The following OTUD4 variants were observed in gnomAD, a reference collection of about 807,000 sequenced individuals.
OTUD4 encodes the protein OTU deubiquitinase 4, also known as OTU domain-containing protein 4.
OTUD4 carries 24 observed loss-of-function variants against 130.4 expected under a neutral mutation model. The observed-to-expected ratio is 0.18, with a 90% CI of 0.13 to 0.26. The LOEUF (loss-of-function observed/expected upper bound fraction) is 0.26. Among genes scored for constraint, OTUD4 ranks in the 10% least tolerant of loss-of-function variants. The pLI is 1.00. For synonymous variants in OTUD4, 420 were observed against 472.5 expected (o/e 0.89, Z 1.44); for missense variants, 1,031 against 1,329.4 (o/e 0.78, Z 3.49).
At chr4:145,167,839 TAA>T (rs1185492138) in intron 3 of OTUD4, among the ~76,000 whole-genome samples, 1 of 151,910 alleles carries the variant, frequency 6.6e-6, no homozygotes, top group African/African-American at 2.4e-5. Flanking sequence ...GCCTGCGTAT[TAA>T]GAGTGAAACT....
intron 13 of OTUD4, among the ~76,000 whole-genome samples, chr4:145,146,678 A>T (rs1026132195): frequency 6.6e-6 from 1 of 152,198 alleles, no homozygotes; most frequent in Non-Finnish European, 1.5e-5. Flanking sequence ...GAGAGTCAAG[A>T]AGACAAACAG....
At chr4:145,143,101 A>G (rs1750643294) in intron 17 of OTUD4, among the ~76,000 whole-genome samples, 1 of 152,252 alleles carries the variant, frequency 6.6e-6, no homozygotes, top group South Asian at 2.1e-4. Context: ...ACGATAACAA[A>G]TATAAATATA....
intron 19 of OTUD4, 71 bp from the exon 20 acceptor site, chr4:145,140,062 T>C (rs1332415443): frequency 3.9e-6 from 2 of 514,286 alleles, no homozygotes; most frequent in Non-Finnish European, 7.0e-6. Context: ...CCTCATTAAA[T>C]ATATAGTTCT....
In OTUD4 at chr4:145,179,945, C is replaced by G. The variant is rs1752613163; in HGVS notation, c.29G>C (p.Gly10Ala). The G allele has an allele frequency of 2.0e-6, 3 of 1,521,696 alleles. No homozygotes were observed. Among genetic ancestry groups the G allele is most frequent in the Non-Finnish European group, 2.6e-6 (3 of 1,141,920 alleles). 94.3% of individuals were successfully genotyped at this position (1,521,696 alleles called of 1,614,324 possible). MEAAVGVPD[G>A]GDQGGAGPRE... The stretch of plus-strand genomic sequence containing the variant: ...GGGCCCCGCGCCGCCCTGGTCCCCG[C>G]CGTCGGGGACGCCGACGGCAGCCTC... The change falls in exon 1 of 21, where the codon GGC becomes GCC. Residue 10 changes from glycine (G) to alanine (A), a missense_variant. This residue lies in a region of OTUD4 where 54 missense variants were observed against 60.6 expected (regional missense o/e 0.89). Coordinates refer to ENST00000447906, the MANE Select transcript of OTUD4 (RefSeq NM_001366057.1).
intron 1 of OTUD4, among the ~76,000 whole-genome samples, chr4:145,178,752 A>C (rs1342168944): frequency 6.6e-6 from 1 of 152,248 alleles, no homozygotes; most frequent in African/African-American, 2.4e-5. Flanking sequence ...AAATGAGAAC[A>C]GACTGGCCTC....
At chr4:145,174,206 G>A (rs1231169563) in intron 2 of OTUD4, among the ~76,000 whole-genome samples, 1 of 152,136 alleles carries the variant, frequency 6.6e-6, no homozygotes, top group Non-Finnish European at 1.5e-5. Context: ...TGTTGGCCAA[G>A]CTGGTCTTGA....
chr4:145,177,899 C>T (rs1390086587), intron 1 of OTUD4, among the ~76,000 whole-genome samples: 1 of 152,156 alleles, frequency 6.6e-6, no homozygotes, highest in Non-Finnish European at 1.5e-5. Flanking sequence ...TATTGGTACA[C>T]ATTTTAAAAG....
rs1188906451 is a variant in OTUD4, at chr4:145,146,409, A to C, written c.1280T>G (p.Val427Gly). The change falls in exon 14 of 21, where the codon GTT (valine) becomes GGT (glycine). Residue 427 changes from valine (V) to glycine (G), a missense_variant. Coordinates refer to ENST00000447906, the MANE Select transcript of OTUD4 (RefSeq NM_001366057.1). ...TCGACTTGTGTGATCAAAATCCTCA[A>C]CTCTTTCACGATCAGGTTTTCTGTC... ...QIIRKPDRER[V>G]EDFDHTSRES... 8 of 1,559,604 alleles carry C rather than the reference A, an allele frequency of 5.1e-6. No individual in the cohort carries two copies. The highest frequency in any genetic ancestry group is 6.9e-6 in the Non-Finnish European group (8 of 1,157,948).
At chr4:145,153,245 G>A (rs1751147301) in intron 10 of OTUD4, among the ~76,000 whole-genome samples, 1 of 152,126 alleles carries the variant, frequency 6.6e-6, no homozygotes, top group Non-Finnish European at 1.5e-5. Context: ...AGCACAATAT[G>A]TTAAGGCTCT....
chr4:145,159,713 T>C, intron 6 of OTUD4, 78 bp from the exon 7 acceptor site: 1 of 1,312,414 alleles, frequency 7.6e-7, no homozygotes, highest in African/African-American at 1.5e-5. Flanking sequence ...CATCACATTG[T>C]AACTTTCTAT....
intron 2 of OTUD4, among the ~76,000 whole-genome samples, chr4:145,172,504 CACA>C (rs369234067): frequency 5.3e-5 from 8 of 152,294 alleles, no homozygotes; most frequent in African/African-American, 1.7e-4. Flanking sequence ...TGTGTAATAA[CACA>C]ACCTTTTTTA....
Position 145,144,365 on chromosome 4 carries a change from C to A in OTUD4, c.1492G>T (p.Gly498Cys). 2 of 1,612,146 alleles carry A rather than the reference C, an allele frequency of 1.2e-6. No individual in the cohort carries two copies. The highest frequency in any genetic ancestry group is 2.2e-5 in the South Asian group (2 of 90,954). Reference sequence around the variant, plus strand: ...CTCCGCCTGCTTCCTTTTCTATCACCTACATGTGATGATTTTCTCTGGACA... The same window carrying A: ...CTCCGCCTGCTTCCTTTTCTATCACATACATGTGATGATTTTCTCTGGACA... ...PCVQRKSSHV[G>C]DRKGSRRRMD... Residue 498 changes from glycine (G) to cysteine (C), a missense_variant, in exon 15 of 21, where the codon GGT (glycine) becomes TGT (cysteine). Coordinates refer to ENST00000447906, the MANE Select transcript of OTUD4 (RefSeq NM_001366057.1).
chr4:145,178,833 G>A (rs546718045), intron 1 of OTUD4, among the ~76,000 whole-genome samples: 10 of 152,232 alleles, frequency 6.6e-5, no homozygotes, highest in African/African-American at 2.4e-4. Context: ...AAAAGGTGAG[G>A]GAAAAGAAAA....
chr4:145,138,731 G>T (rs574394439), intron 20 of OTUD4, 81 bp from the exon 21 acceptor site: 63 of 1,307,404 alleles, frequency 4.8e-5, no homozygotes, highest in Non-Finnish European at 6.6e-5. Flanking sequence ...ACAAGTACTA[G>T]GGTCAAAATA....
intron 5 of OTUD4, among the ~76,000 whole-genome samples, chr4:145,163,432 C>CA (rs1469705284): frequency 1.3e-5 from 2 of 152,252 alleles, no homozygotes; most frequent in East Asian, 3.9e-4. Flanking sequence ...ACAGATAATG[C>CA]AACGACACCC....
chr4:145,177,481 G>A (rs1752481461), intron 1 of OTUD4, among the ~76,000 whole-genome samples: 1 of 152,192 alleles, frequency 6.6e-6, no homozygotes, highest in East Asian at 1.9e-4. Context: ...ATTGTGCAAG[G>A]TTGATAACAC....
At chr4:145,144,122 A>C in intron 15 of OTUD4, 121 bp from the exon 16 acceptor site, 2 of 1,064,732 alleles carry the variant, frequency 1.9e-6, no homozygotes, top group Middle Eastern at 4.2e-4. Flanking sequence ...TAGTCAGTGA[A>C]AATGTAGTTT....
intron 1 of OTUD4, among the ~76,000 whole-genome samples, chr4:145,177,225 C>A (rs768514912): frequency 2.2e-4 from 34 of 152,206 alleles, no homozygotes; most frequent in Admixed American, 1.3e-4. Flanking sequence ...AGTCTTAAAG[C>A]CATTTACCTA....
intron 9 of OTUD4, 24 bp downstream of exon 9, chr4:145,155,545 G>T: frequency 6.3e-7 from 1 of 1,597,968 alleles, no homozygotes; most frequent in South Asian, 1.1e-5. Context: ...GCAAATTTAT[G>T]GAAAATGCAG....
Sources: gnomAD v4.1 joint callset for allele counts (sites outside exome capture counted in the v4.1 genomes callset) on GRCh38, gnomAD v4.1.1 for gene constraint, gnomAD v4.1.1 regional missense constraint, MANE v1.5 for transcripts, NCBI Gene and HGNC (gene_info 2026-07-23, HGNC 2026-07-21) for gene names.